Variants in SNTG2 observed in about 807,000 individuals in gnomAD.
SNTG2 encodes gamma-2-syntrophin.
SNTG2 carries 74 observed loss-of-function variants against 70.9 expected under a neutral mutation model. The ratio of observed to expected loss-of-function variants is 1.04; its 90% confidence interval spans 0.86 to 1.27. The LOEUF (loss-of-function observed/expected upper bound fraction) is 1.27, where lower values mean the gene tolerates loss of function less well. Among genes scored for constraint, SNTG2 ranks in the 50% most tolerant of loss-of-function variants. The pLI, the probability that SNTG2 is intolerant of heterozygous loss-of-function variation, is 0.00. For missense variants in SNTG2, 717 were observed against 690.7 expected, an observed-to-expected ratio of 1.04 and a Z score of -0.43; for synonymous variants, 278 against 273.8, an observed-to-expected ratio of 1.02 and a Z score of -0.15.
chr2:1,280,200 C>T (rs1679456769), intron 14 of SNTG2, among the ~76,000 whole-genome samples: 1 of 151,738 alleles, frequency 6.6e-6, no homozygotes, highest in African/African-American at 2.4e-5. Flanking sequence ...TCAAGAGAAC[C>T]TAAGAGAAAG....
At chr2:1,016,361 C>A (rs1659891434) in intron 1 of SNTG2, among the ~76,000 whole-genome samples, 1 of 152,220 alleles carries the variant, frequency 6.6e-6, no homozygotes, top group Non-Finnish European at 1.5e-5. Flanking sequence ...CCTGCCTCAG[C>A]CTCCTGGGTA....
chr2:1,113,296 G>C (rs978605000), intron 4 of SNTG2, among the ~76,000 whole-genome samples: 1 of 152,122 alleles, frequency 6.6e-6, no homozygotes, highest in Non-Finnish European at 1.5e-5. Flanking sequence ...AGGATCGTGT[G>C]TACTAAGTGA....
intron 1 of SNTG2, among the ~76,000 whole-genome samples, chr2:998,542 C>A (rs550115972): frequency 6.6e-6 from 1 of 151,482 alleles, no homozygotes; most frequent in Non-Finnish European, 1.5e-5. Flanking sequence ...ATAGACTAGA[C>A]CAAGCAGAAG....
rs1342040352 is a variant in SNTG2, at chr2:1,208,850, T to C, written c.592-253T>C. ...TTTCCCTCCAGATTTAGGCCCCTCT[T>C]CTCCTTCTCCTTCCCTTCAGCTTCT... On this transcript the variant is annotated intron_variant, in intron 8 of 16. Transcript: ENST00000308624. Among the ~76,000 whole-genome samples, 4 of 152,288 alleles carry C rather than the reference T, an allele frequency of 2.6e-5. No homozygotes were observed. The East Asian group carries it at 7.7e-4, about 29-fold the overall frequency.
intron 16 of SNTG2, among the ~76,000 whole-genome samples, chr2:1,364,484 C>T (rs192025665): frequency 1.3e-4 from 20 of 151,690 alleles, no homozygotes; most frequent in East Asian, 7.8e-4. Context: ...TGGCCGGGCG[C>T]GGTGGCTCAC....
At chr2:1,115,325 TGGA>T (rs1459521714) in intron 4 of SNTG2, among the ~76,000 whole-genome samples, 1 of 152,004 alleles carries the variant, frequency 6.6e-6, no homozygotes, top group African/African-American at 2.4e-5. Flanking sequence ...TTACAGTCCT[TGGA>T]GGAGGATCAT....
chr2:1,235,662 C>A, intron 9 of SNTG2, among the ~76,000 whole-genome samples: 1 of 152,316 alleles, frequency 6.6e-6, no homozygotes, highest in Non-Finnish European at 1.5e-5. Context: ...ACCCTTACCC[C>A]CACGCTGCCC....
intron 4 of SNTG2, among the ~76,000 whole-genome samples, chr2:1,135,991 A>T (rs982291027): frequency 6.6e-6 from 1 of 152,086 alleles, no homozygotes; most frequent in Admixed American, 6.5e-5. Flanking sequence ...TAAACTAAAT[A>T]TTGAGAATTA....
chr2:1,356,916 T>G (rs1660881031), intron 16 of SNTG2, among the ~76,000 whole-genome samples: 1 of 152,144 alleles, frequency 6.6e-6, no homozygotes, highest in African/African-American at 2.4e-5. Flanking sequence ...TTTTACTTGT[T>G]TTGATGCTAT....
chr2:959,949 G>T (rs1003207404), intron 1 of SNTG2, among the ~76,000 whole-genome samples: 1 of 151,962 alleles, frequency 6.6e-6, no homozygotes. Flanking sequence ...TTTCCTTCTG[G>T]CTTTTTCTGG....
intron 6 of SNTG2, among the ~76,000 whole-genome samples, chr2:1,157,075 T>G (rs1217469957): frequency 6.6e-6 from 1 of 152,220 alleles, no homozygotes; most frequent in Non-Finnish European, 1.5e-5. Flanking sequence ...ATACCCCATG[T>G]GCACTTCAAT....
intron 1 of SNTG2, among the ~76,000 whole-genome samples, chr2:980,094 G>A (rs1192931144): frequency 2.0e-5 from 3 of 152,230 alleles, no homozygotes; most frequent in Admixed American, 6.5e-5. Context: ...TGACTTGTTT[G>A]AATTCAAGCT....
intron 9 of SNTG2, among the ~76,000 whole-genome samples, chr2:1,236,321 C>T (rs1676654322): frequency 6.6e-6 from 1 of 152,226 alleles, no homozygotes; most frequent in South Asian, 2.1e-4. Flanking sequence ...TTTATTATAG[C>T]AGACATCCAG....
chr2:1,202,145 A>G (rs1673312989), intron 8 of SNTG2, among the ~76,000 whole-genome samples: 1 of 152,098 alleles, frequency 6.6e-6, no homozygotes, highest in African/African-American at 2.4e-5. Flanking sequence ...TGAATGGCAA[A>G]TAGGTGGGTA....
chr2:1,193,603 G>GA (rs34513451), intron 8 of SNTG2, among the ~76,000 whole-genome samples: 38,945 of 150,598 alleles, frequency 0.26, 5,423 homozygotes, highest in East Asian at 0.44. Context: ...GAATAAAGAA[G>GA]AAAAAAAAAC....
At chr2:1,337,257 G>T (rs574111253) in intron 16 of SNTG2, among the ~76,000 whole-genome samples, 1 of 152,122 alleles carries the variant, frequency 6.6e-6, no homozygotes, top group South Asian at 2.1e-4. Context: ...ATTTTTTGAG[G>T]AACTCCCATA....
At chr2:1,211,886 C>T (rs1375355701) in intron 9 of SNTG2, among the ~76,000 whole-genome samples, 1 of 152,124 alleles carries the variant, frequency 6.6e-6, no homozygotes, top group Non-Finnish European at 1.5e-5. Context: ...ATTCTGGCAG[C>T]TTGAGAACAT....
At chr2:1,256,700 A>C (rs558592464) in intron 12 of SNTG2, 1 of 152,232 alleles carries the variant, frequency 6.6e-6, no homozygotes, top group South Asian at 2.1e-4. Context: ...TTCACATCAC[A>C]TCCATGTAGG....
intron 16 of SNTG2, among the ~76,000 whole-genome samples, chr2:1,365,588 T>C (rs1311687500): frequency 6.6e-6 from 1 of 152,088 alleles, no homozygotes; most frequent in Non-Finnish European, 1.5e-5. Context: ...GCTCGCTGGC[T>C]CTCCACTTGG....
Sources: gnomAD v4.1 joint callset for allele counts (sites outside exome capture counted in the v4.1 genomes callset) on GRCh38, gnomAD v4.1.1 for gene constraint, MANE v1.5 for transcripts, NCBI Gene and HGNC (gene_info 2026-07-23, HGNC 2026-07-21) for gene names.